Variants in PRPF18 observed in about 807,000 individuals in gnomAD.
PRPF18 encodes pre-mRNA processing factor 18, also known as pre-mRNA-splicing factor 18.
PRPF18 carries 38 observed loss-of-function variants against 46.5 expected under a neutral mutation model. That is an observed-to-expected ratio of 0.82 (90% CI 0.63 to 1.07). The LOEUF (loss-of-function observed/expected upper bound fraction) is 1.07. Ranked by LOEUF, PRPF18 falls within the 50% of genes least tolerant of loss-of-function variation. The probability of loss-of-function intolerance (pLI) is 0.00; values close to 1 mark genes in which losing one functional copy is unlikely to be tolerated. For missense variants in PRPF18, 263 were observed against 410.0 expected (o/e 0.64, Z 3.10); for synonymous variants, 152 against 146.7 (o/e 1.04, Z -0.26).
intron 3 of PRPF18, among the ~76,000 whole-genome samples, 176 bp from the exon 4 acceptor site, chr10:13,605,455 G>A (rs769977481): frequency 1.3e-5 from 2 of 151,694 alleles, no homozygotes; most frequent in African/African-American, 4.8e-5. Context: ...GGTGGCGGGC[G>A]CCTGTAGTCC....
At chr10:13,587,307 AC>A in intron 1 of PRPF18, 155 bp downstream of exon 1, 1 of 755,198 alleles carries the variant, frequency 1.3e-6, no homozygotes, top group Admixed American at 2.2e-5. Context: ...CTTAGATCCA[AC>A]CCTTGGCGTC....
At chr10:13,648,905 TG>T in the PRPF18 span, 1 of 152,330 alleles carries the variant, frequency 6.6e-6, no homozygotes, top group Non-Finnish European at 1.5e-5. Context: ...AAAGTAGTCC[TG>T]TGAGTTGCTC....
rs1358625911 is a variant in PRPF18 at position 13,613,728 on chromosome 10, A to C, written c.580-13A>C. 6.2e-7 allele frequency: 1 copy of C among 1,609,200 alleles called. No homozygotes were observed. Among genetic ancestry groups the C allele is most frequent in the African/African-American group, 1.3e-5 (1 of 74,760 alleles). ...GTGGCATTGTAGTCTAAGTTTACCC[A>C]TCCTTTCAACAGTTTCTTCTTGGCG... On this transcript the variant is annotated splice_polypyrimidine_tract_variant and intron_variant, in intron 6 of 9. Transcript: ENST00000378572.
chr10:13,605,422 A>C (rs1175374149), intron 3 of PRPF18, among the ~76,000 whole-genome samples: 1 of 151,878 alleles, frequency 6.6e-6, no homozygotes, highest in Non-Finnish European at 1.5e-5. Flanking sequence ...TCTCTACTAA[A>C]AATACAAAAG....
intron 4 of PRPF18, 89 bp from the exon 5 acceptor site, chr10:13,609,950 A>G: frequency 7.3e-7 from 1 of 1,361,712 alleles, no homozygotes; most frequent in Admixed American, 2.1e-5. Context: ...GGGAAAAAAT[A>G]TTTGCAGTTA....
At chr10:13,654,769 C>G in the PRPF18 span, 8 of 515,402 alleles carry the variant, frequency 1.6e-5, no homozygotes, top group Non-Finnish European at 2.7e-5. Context: ...CATTCTGAGT[C>G]AAGCTGACCT....
intron 8 of PRPF18, among the ~76,000 whole-genome samples, chr10:13,615,807 G>A (rs185757348): frequency 6.6e-6 from 1 of 152,042 alleles, no homozygotes; most frequent in Admixed American, 6.6e-5. Context: ...GGGGTGGGGT[G>A]GGGGGCAAAG....
intron 5 of PRPF18, 92 bp from the exon 6 acceptor site, chr10:13,611,523 A>G: frequency 2.9e-6 from 3 of 1,047,726 alleles, no homozygotes; most frequent in Admixed American, 4.1e-5. Context: ...AGCATATGTG[A>G]CCAAGAGCCA....
At chr10:13,632,608 C>G (rs1028996296), downstream of PRPF18, 1 of 152,120 alleles carries the variant, frequency 6.6e-6, no homozygotes. Context: ...CCAGTACCTC[C>G]TAAAATTGGT....
intron 8 of PRPF18, among the ~76,000 whole-genome samples, chr10:13,615,181 G>A (rs866918896): frequency 1.3e-5 from 2 of 152,192 alleles, no homozygotes; most frequent in Non-Finnish European, 2.9e-5. Context: ...GGATGGATAA[G>A]GTCACCATCA....
the PRPF18 span, chr10:13,654,139 A>G: frequency 1.9e-6 from 1 of 536,436 alleles, no homozygotes; most frequent in South Asian, 2.8e-5. Context: ...ATCTTACCAA[A>G]GAAGCACAGT....
chr10:13,591,966 G>A, intron 1 of PRPF18: 2 of 1,087,590 alleles, frequency 1.8e-6, no homozygotes, highest in South Asian at 1.2e-5. Context: ...CAGCTTTTGA[G>A]GCACATCTTC....
rs142846692 is a variant in PRPF18, at chr10:13,613,962, C to A, written c.721-53C>A. ...TTAGAATAAATGCAGTCTGTTTTTT[C>A]CCTATACATCTATACATAGTAGCTT... On this transcript the variant is annotated intron_variant, in intron 7 of 9. Transcript: ENST00000378572. 8,421 of 1,552,922 alleles carry A rather than the reference C, an allele frequency of 5.4e-3. 64 individuals are homozygous for A. The highest frequency in any genetic ancestry group is 0.027 in the South Asian group (2,251 of 83,178).
the PRPF18 span, chr10:13,649,483 C>CAGGTGGCTCCT: frequency 1.2e-4 from 16 of 128,682 alleles, no homozygotes; most frequent in Non-Finnish European, 2.8e-4. Flanking sequence ...GTTTGGTTCT[C>CAGGTGGCTCCT]AGGTGGCTCC....
chr10:13,644,866 T>C, the PRPF18 span: 1 of 152,242 alleles, frequency 6.6e-6, no homozygotes, highest in Admixed American at 6.5e-5. Context: ...TATCCCCCAG[T>C]GAATCCCTAG....
At chr10:13,651,868 CATGGGCAGTAGG>C in the PRPF18 span, 1 of 1,036,272 alleles carries the variant, frequency 9.6e-7, no homozygotes, top group East Asian at 2.4e-5. Flanking sequence ...ACCACAGACT[CATGGGCAGTAGG>C]AACAAAACTC....
intron 5 of PRPF18, 92 bp downstream of exon 5, chr10:13,610,277 C>G: frequency 7.4e-7 from 1 of 1,358,924 alleles, no homozygotes; most frequent in Non-Finnish European, 1.0e-6. Context: ...GAGGGCAGAG[C>G]ACACTGTTGT....
chr10:13,591,911 T>TCAGTTGA, intron 1 of PRPF18: 1 of 1,404,220 alleles, frequency 7.1e-7, no homozygotes, highest in Non-Finnish European at 9.6e-7. Flanking sequence ...CGCAGTTTTC[T>TCAGTTGA]CACGTGTCAA....
the PRPF18 span, chr10:13,654,230 G>A: frequency 4.8e-6 from 3 of 619,086 alleles, no homozygotes; most frequent in South Asian, 5.7e-5. Context: ...CCTCTATAAA[G>A]GCACAGCCAG....
Sources: allele counts gnomAD v4.1 joint callset (sites outside exome capture counted in the v4.1 genomes callset), GRCh38; gene constraint gnomAD v4.1.1; transcripts MANE v1.5; gene names NCBI Gene and HGNC (gene_info 2026-07-23, HGNC 2026-07-21).